KRAS: variants seen among roughly 807,000 people sequenced by gnomAD.
KRAS encodes GTPase KRas.
A neutral mutation model predicts 21.0 loss-of-function variants in KRAS; 1 was observed. The ratio of observed to expected loss-of-function variants is 0.05; its 90% CI spans 0.02 to 0.23. The LOEUF (loss-of-function observed/expected upper bound fraction) is 0.23. Ranked by LOEUF, KRAS falls within the 10% of genes least tolerant of loss-of-function variation. The pLI, the probability that KRAS is intolerant of heterozygous loss-of-function variation, is 1.00. For synonymous variants in KRAS, 67 were observed against 72.5 expected, an observed-to-expected ratio of 0.92 and a Z score of 0.39; for missense variants, 107 against 221.8, an observed-to-expected ratio of 0.48 and a Z score of 3.29.
At position 25,205,467 on chromosome 12, in the gene KRAS, C is replaced by T. The variant is rs1592790542; in HGVS notation, c.*4328G>A. 2 of 215,640 alleles carry T rather than the reference C, an allele frequency of 9.3e-6. No individual in the cohort carries two copies. The highest frequency in any genetic ancestry group is 3.7e-4 in the South Asian group (2 of 5,372). The allele number at this position is 215,640 out of a possible 1,614,324, so 13.4% of individuals were successfully genotyped here. A position where few individuals can be genotyped will look rare whatever the true frequency, so the allele number is the denominator to read the frequency against. ...CAACTGGATCACACTGCATATGTCC[C>T]ACAAAAGAAAGCACAATGTACAAAA... On this transcript the variant is annotated 3_prime_UTR_variant, in exon 5 of 5. Coordinates refer to ENST00000311936, the MANE Select transcript of KRAS (RefSeq NM_004985.5).
chr12:25,213,967 A>G (rs762428469), intron 4 of KRAS, among the ~76,000 whole-genome samples: 4 of 152,212 alleles, frequency 2.6e-5, no homozygotes, highest in African/African-American at 2.4e-5. Context: ...AAAATATGTA[A>G]TTCTGGCTAA....
intron 1 of KRAS, among the ~76,000 whole-genome samples, chr12:25,249,591 C>CAAAAGAAAAAAAAA (rs1951737348): frequency 1.6e-5 from 1 of 60,822 alleles, no homozygotes; most frequent in Non-Finnish European, 2.9e-5. Context: ...GACTGTGTCT[C>CAAAAGAAAAAAAAA]AAAAAAAAAA....
intron 2 of KRAS, among the ~76,000 whole-genome samples, chr12:25,231,374 C>T (rs1043811336): frequency 4.6e-5 from 7 of 152,142 alleles, no homozygotes; most frequent in Middle Eastern, 3.4e-3. Flanking sequence ...TCAACCATCG[C>T]GCCCAGCCTG....
In KRAS at chr12:25,209,810, C is replaced by CT; in HGVS notation, c.551dup (p.Cys185ValfsTer27). 1 of 1,608,518 alleles carries CT rather than the reference C, an allele frequency of 6.2e-7. No individual in the cohort carries two copies. Among genetic ancestry groups the CT allele is most frequent in the Non-Finnish European group, 8.5e-7 (1 of 1,175,694 alleles). Reference sequence around the variant, plus strand: ...CAAATTGTATTTACATAATTACACACTTTGTCTTTGACTTCTTTTTCTTCT... The same window carrying CT: ...CAAATTGTATTTACATAATTACACACTTTTGTCTTTGACTTCTTTTTCTTCT... On this transcript the variant is annotated frameshift_variant, in exon 5 of 5. Transcript: ENST00000311936. LOFTEE classifies it high-confidence loss of function.
intron 4 of KRAS, among the ~76,000 whole-genome samples, chr12:25,213,073 AT>A (rs1022847311): frequency 1.3e-4 from 20 of 151,624 alleles, no homozygotes; most frequent in African/African-American, 3.6e-4. Flanking sequence ...TGTCAAATAA[AT>A]TTTTTTTTAA....
At chr12:25,243,447 C>T (rs779634196) in intron 2 of KRAS, among the ~76,000 whole-genome samples, 7 of 152,162 alleles carry the variant, frequency 4.6e-5, no homozygotes, top group Non-Finnish European at 7.4e-5. Flanking sequence ...AGTTTATAAA[C>T]TTTTTCAGCC....
Position 25,246,849 on chromosome 12 carries a change from G to A in KRAS, c.-11-1454C>T, listed in dbSNP as rs1230609318. On this transcript the variant is annotated intron_variant, in intron 1 of 4. Transcript: ENST00000311936. Reference sequence around the variant, plus strand: ...GAAGAATGGCGTGAACCCAGGAGGCGGAGCTTGCAGTGAGCCGAGATCACG... The same window carrying A: ...GAAGAATGGCGTGAACCCAGGAGGCAGAGCTTGCAGTGAGCCGAGATCACG... Among the ~76,000 whole-genome samples the A allele has an allele frequency of 1.7e-4, 25 of 148,960 alleles. No homozygotes were observed. In the East Asian group the frequency reaches 3.0e-3, roughly 18 times the overall value.
chr12:25,241,667 T>C (rs1359006115), intron 2 of KRAS, among the ~76,000 whole-genome samples: 1 of 152,196 alleles, frequency 6.6e-6, no homozygotes, highest in Non-Finnish European at 1.5e-5. Context: ...AACCCTGTTG[T>C]GGGGGCTTTC....
At chr12:25,229,135 A>AT (rs1565885742) in intron 2 of KRAS, among the ~76,000 whole-genome samples, 5 of 152,282 alleles carry the variant, frequency 3.3e-5, no homozygotes, top group African/African-American at 1.2e-4. Context: ...CACAAAAAAA[A>AT]ATTTTTTAAA....
intron 2 of KRAS, among the ~76,000 whole-genome samples, chr12:25,233,541 T>C (rs1951504415): frequency 6.6e-6 from 1 of 152,194 alleles, no homozygotes; most frequent in Non-Finnish European, 1.5e-5. Flanking sequence ...GTCATTCACT[T>C]GCTCAAAGTC....
At chr12:25,213,088 G>A (rs920325359) in intron 4 of KRAS, among the ~76,000 whole-genome samples, 16 of 151,766 alleles carry the variant, frequency 1.1e-4, no homozygotes, top group Non-Finnish European at 2.1e-4. Flanking sequence ...TTTTTAAATT[G>A]TATTTAATTT....
intron 4 of KRAS, chr12:25,215,396 T>C: frequency 6.2e-7 from 1 of 1,611,570 alleles, no homozygotes; most frequent in Non-Finnish European, 8.5e-7. Flanking sequence ...TTAAAAGACA[T>C]CTGCTTTCTG....
intron 2 of KRAS, chr12:25,234,060 G>C (rs1197104324): frequency 1.6e-5 from 3 of 182,910 alleles, no homozygotes; most frequent in African/African-American, 7.1e-5. Flanking sequence ...ATGTTTCAAT[G>C]TTCTCTTAGA....
chr12:25,245,438 T>A, intron 1 of KRAS, 43 bp from the exon 2 acceptor site: 1 of 1,545,134 alleles, frequency 6.5e-7, no homozygotes, highest in South Asian at 1.2e-5. Context: ...TTAGAACATG[T>A]CACACATAAG....
intron 2 of KRAS, chr12:25,235,139 G>GT: frequency 2.1e-6 from 1 of 466,456 alleles, no homozygotes. Context: ...TGTCAATAAT[G>GT]TATTACTCGG....
intron 1 of KRAS, 70 bp from the exon 2 acceptor site, chr12:25,245,465 A>C: frequency 3.6e-6 from 5 of 1,399,334 alleles, no homozygotes; most frequent in South Asian, 1.2e-5. Flanking sequence ...ACACTATCAA[A>C]TACTCCACCA....
intron 2 of KRAS, among the ~76,000 whole-genome samples, chr12:25,240,446 C>A (rs768207127): frequency 5.3e-5 from 8 of 152,152 alleles, no homozygotes; most frequent in Admixed American, 1.3e-4. Flanking sequence ...TTGAATTTGC[C>A]ATGTACTGAG....
rs1191120709 is a variant in KRAS, at chr12:25,207,691, C to CTATTCA, written c.*2098_*2103dup. ...CTCCTTCCACTGGATAGGGTTCTGT[C>CTATTCA]TATTCATACCAGGTTTGAAAAATCC... On this transcript the variant is annotated 3_prime_UTR_variant, in exon 5 of 5. Transcript: ENST00000311936. The CTATTCA allele has an allele frequency of 4.3e-6, 1 of 232,230 alleles. No homozygotes were observed. Among genetic ancestry groups the CTATTCA allele is most frequent in the Non-Finnish European group, 8.5e-6 (1 of 117,524 alleles). 14.4% of individuals were successfully genotyped at this position (232,230 alleles called of 1,614,324 possible). A position where few individuals can be genotyped will look rare whatever the true frequency, so the allele number is the denominator to read the frequency against.
intron 2 of KRAS, chr12:25,235,014 C>T (rs933199589): frequency 5.9e-6 from 2 of 339,016 alleles, no homozygotes; most frequent in Non-Finnish European, 1.1e-5. Flanking sequence ...TGAGCCCTTA[C>T]TTATATGCCA....
Sources: allele counts gnomAD v4.1 joint callset (sites outside exome capture counted in the v4.1 genomes callset), GRCh38; gene constraint gnomAD v4.1.1; transcripts MANE v1.5; gene names NCBI Gene and HGNC (gene_info 2026-07-23, HGNC 2026-07-21).